Variants in BARX2 observed in about 807,000 individuals in gnomAD.
The protein encoded by BARX2 is homeobox protein BarH-like 2.
Under a neutral mutation model 25.5 loss-of-function variants are expected in BARX2, and 11 were observed. The observed-to-expected ratio is 0.43, with a 90% CI of 0.27 to 0.71. The LOEUF (loss-of-function observed/expected upper bound fraction) is 0.71, where lower values mean the gene tolerates loss of function less well. Among genes scored for constraint, BARX2 ranks in the 30% least tolerant of loss-of-function variants. The pLI is 0.19. For synonymous variants in BARX2, 137 were observed against 149.5 expected (o/e 0.92, Z 0.61); for missense variants, 360 against 359.9 (o/e 1.00, Z 0.00).
chr11:129,445,394 C>T (rs1196467426), intron 3 of BARX2, among the ~76,000 whole-genome samples: 3 of 152,228 alleles, frequency 2.0e-5, no homozygotes, highest in Non-Finnish European at 2.9e-5. Flanking sequence ...CTGCCAGCAC[C>T]GCCCAGTGCC....
chr11:129,434,528 G>A (rs1158833391), intron 1 of BARX2, among the ~76,000 whole-genome samples: 5 of 150,538 alleles, frequency 3.3e-5, no homozygotes, highest in African/African-American at 9.8e-5. Flanking sequence ...GCCTGCCAAA[G>A]TGCTGAGCCA....
chr11:129,448,300 T>C (rs1172004940), intron 3 of BARX2, among the ~76,000 whole-genome samples: 1 of 152,114 alleles, frequency 6.6e-6, no homozygotes, highest in Non-Finnish European at 1.5e-5. Context: ...TTCCTCAAAA[T>C]TTAAAAATTT....
At chr11:129,408,244 G>A (rs191861251) in intron 1 of BARX2, among the ~76,000 whole-genome samples, 11 of 152,168 alleles carry the variant, frequency 7.2e-5, no homozygotes, top group Non-Finnish European at 1.6e-4. Flanking sequence ...ATTCGGTTCT[G>A]TTGATGTTAG....
At chr11:129,423,488 T>C (rs1862030476) in intron 1 of BARX2, among the ~76,000 whole-genome samples, 1 of 152,184 alleles carries the variant, frequency 6.6e-6, no homozygotes, top group Admixed American at 6.5e-5. Flanking sequence ...GGGGGCCACA[T>C]GCAGAAAGGT....
chr11:129,393,605 T>C (rs1184749423), intron 1 of BARX2, among the ~76,000 whole-genome samples: 1 of 151,742 alleles, frequency 6.6e-6, no homozygotes, highest in African/African-American at 2.4e-5. Context: ...GCAAAGTGAG[T>C]TAATGACAGG....
intron 2 of BARX2, among the ~76,000 whole-genome samples, chr11:129,440,485 A>G (rs1342208961): frequency 1.3e-5 from 2 of 152,240 alleles, no homozygotes; most frequent in African/African-American, 4.8e-5. Flanking sequence ...GTTCTCAATG[A>G]GCGACTGCTT....
chr11:129,375,934 G>C lies in BARX2; in HGVS notation c.-102G>C. 1.5e-6 allele frequency: 1 copy of C among 685,130 alleles called. No individual in the cohort carries two copies. The highest frequency in any genetic ancestry group is 1.8e-6 in the Non-Finnish European group (1 of 555,396). 42.4% of individuals were successfully genotyped at this position (685,130 alleles called of 1,614,324 possible). A position where few individuals can be genotyped will look rare whatever the true frequency, so the allele number is the denominator to read the frequency against. On this transcript the variant is annotated 5_prime_UTR_variant, in exon 1 of 4. Coordinates refer to ENST00000281437, the MANE Select transcript of BARX2 (RefSeq NM_003658.5). This position sits in a 1 kb window ranked among gnomAD's most constrained non-coding sequence, Gnocchi z 4.0. ...GAGCCCCGCCGCCTCCCCAGCTGCC[G>C]GGAGCGGGGCCCAGGCCCCGCCGTC...
At chr11:129,377,689 TCCTTTGTTATAATAACTCAATTC>T (rs948168808) in intron 1 of BARX2, among the ~76,000 whole-genome samples, 3 of 152,220 alleles carry the variant, frequency 2.0e-5, no homozygotes, top group African/African-American at 7.2e-5. Context: ...GCACAAATCA[TCCTTTGTTATAATAACTCAATTC>T]CCTTCGAGGA....
At chr11:129,380,489 A>G (rs1861551315) in intron 1 of BARX2, among the ~76,000 whole-genome samples, 1 of 152,158 alleles carries the variant, frequency 6.6e-6, no homozygotes, top group Non-Finnish European at 1.5e-5. Context: ...GGTCTTTTTC[A>G]GTCAGAGACC....
In BARX2 at chr11:129,415,967, G is replaced by T. The variant is rs1057344309; in HGVS notation, c.188-20784G>T. Among the ~76,000 whole-genome samples, 10 of 152,208 alleles carry T rather than the reference G, an allele frequency of 6.6e-5. No homozygotes were observed. The East Asian group carries it at 1.9e-3, about 29-fold the overall frequency. Reference sequence around the variant, plus strand: ...CTGGGGCTTTTAGCCCCCTTCTTAGGCTCCTCAGAGTCCATGCTGAGAATG... The same window carrying T: ...CTGGGGCTTTTAGCCCCCTTCTTAGTCTCCTCAGAGTCCATGCTGAGAATG... On this transcript the variant is annotated intron_variant, in intron 1 of 3. Transcript: ENST00000281437.
In BARX2 at chr11:129,407,239, C is replaced by G. The variant is rs949612505; in HGVS notation, c.188-29512C>G. On this transcript the variant is annotated intron_variant, in intron 1 of 3. Coordinates refer to ENST00000281437, the MANE Select transcript of BARX2 (RefSeq NM_003658.5). ...TTCCTATAACCCTACTCAGTCACATCAGACCAAACTCCTACATCTTCATGT... is the reference window on the plus strand; with the variant it reads ...TTCCTATAACCCTACTCAGTCACATGAGACCAAACTCCTACATCTTCATGT... Among the ~76,000 whole-genome samples, 12 of 152,306 alleles carry G rather than the reference C, an allele frequency of 7.9e-5. No homozygotes were observed. The East Asian group carries it at 1.7e-3, about 22-fold the overall frequency.
chr11:129,380,398 T>G (rs1187958788), intron 1 of BARX2, among the ~76,000 whole-genome samples: 4 of 152,132 alleles, frequency 2.6e-5, no homozygotes, highest in Non-Finnish European at 4.4e-5. Flanking sequence ...GGTGCAGGTA[T>G]GTATAGTGTC....
intron 1 of BARX2, among the ~76,000 whole-genome samples, chr11:129,432,102 G>A (rs764548584): frequency 1.3e-5 from 2 of 151,686 alleles, no homozygotes; most frequent in Non-Finnish European, 2.9e-5. Context: ...TTTTTGAAAT[G>A]GAGTGTTATG....
At chr11:129,381,831 G>T (rs1328794759) in intron 1 of BARX2, among the ~76,000 whole-genome samples, 1 of 152,146 alleles carries the variant, frequency 6.6e-6, no homozygotes, top group Non-Finnish European at 1.5e-5. Flanking sequence ...AGTAAGAGTG[G>T]GTTTCTTTGA....
intron 1 of BARX2, among the ~76,000 whole-genome samples, chr11:129,431,424 A>C (rs1300834852): frequency 1.3e-5 from 2 of 152,174 alleles, no homozygotes; most frequent in African/African-American, 4.8e-5. Context: ...AATGAAGGAG[A>C]GTTCCAGTTG....
chr11:129,414,065 C>CAAA (rs879620964), intron 1 of BARX2, among the ~76,000 whole-genome samples: 102 of 133,164 alleles, frequency 7.7e-4, no homozygotes, highest in African/African-American at 2.4e-3. Flanking sequence ...GACTCCATCT[C>CAAA]AAAAAAAAAA....
At chr11:129,423,434 T>G (rs1182191197) in intron 1 of BARX2, among the ~76,000 whole-genome samples, 1 of 152,140 alleles carries the variant, frequency 6.6e-6, no homozygotes, top group African/African-American at 2.4e-5. Flanking sequence ...TTTTTAAAAT[T>G]ACATATTTTT....
At position 129,394,486 on chromosome 11, in the gene BARX2, A is replaced by G. The variant is rs150742385; in HGVS notation, c.187+18264A>G. Reference sequence around the variant, plus strand: ...TTTTATTTTAGGACGCATGCTAACTACCTATGAAGTGGGTTTATTTTTAGT... The same window carrying G: ...TTTTATTTTAGGACGCATGCTAACTGCCTATGAAGTGGGTTTATTTTTAGT... On this transcript the variant is annotated intron_variant, in intron 1 of 3. Transcript: ENST00000281437. Among the ~76,000 whole-genome samples, 824 of 152,262 alleles carry G rather than the reference A, an allele frequency of 5.4e-3. 2 individuals are homozygous for G. The highest frequency in any genetic ancestry group is 0.019 in the African/African-American group (799 of 41,568).
At chr11:129,424,408 C>G (rs180831964) in intron 1 of BARX2, among the ~76,000 whole-genome samples, 228 of 152,266 alleles carry the variant, frequency 1.5e-3, no homozygotes, top group African/African-American at 5.4e-3. Context: ...CGTCTTGAGT[C>G]TTCCCCTTCC....
Sources: gnomAD v4.1 joint callset for allele counts (sites outside exome capture counted in the v4.1 genomes callset) on GRCh38, gnomAD v4.1.1 for gene constraint, Gnocchi (gnomAD v3.1) non-coding constraint, MANE v1.5 for transcripts, NCBI Gene and HGNC (gene_info 2026-07-23, HGNC 2026-07-21) for gene names.